The following CHRM2 variants were observed in gnomAD, a reference collection of about 807,000 sequenced individuals.
CHRM2 encodes muscarinic acetylcholine receptor M2.
Under a neutral mutation model 25.0 loss-of-function variants are expected in CHRM2, and 8 were observed. The ratio of observed to expected loss-of-function variants is 0.32; its 90% CI spans 0.19 to 0.58. The LOEUF is 0.58. CHRM2 is among the 20% of genes least tolerant of loss of function. CHRM2 has a pLI of 0.88. For synonymous variants in CHRM2, 202 were observed against 205.7 expected, an observed-to-expected ratio of 0.98 and a Z score of 0.15; for missense variants, 440 against 567.1, an observed-to-expected ratio of 0.78 and a Z score of 2.28.
At chr7:136,975,788 A>G (rs558785012) in intron 2 of CHRM2, among the ~76,000 whole-genome samples, 14 of 152,310 alleles carry the variant, frequency 9.2e-5, no homozygotes, top group African/African-American at 3.1e-4. Context: ...CCATTATAAA[A>G]CAGCCAACTG....
chr7:136,954,271 A>G (rs1473256788), intron 2 of CHRM2, among the ~76,000 whole-genome samples: 1 of 152,180 alleles, frequency 6.6e-6, no homozygotes, highest in Non-Finnish European at 1.5e-5. Context: ...CCATTATTTT[A>G]AAAAGTTGGT....
At chr7:136,893,652 T>C (rs1039958383) in intron 2 of CHRM2, among the ~76,000 whole-genome samples, 4 of 152,164 alleles carry the variant, frequency 2.6e-5, no homozygotes, top group African/African-American at 9.7e-5. Context: ...ACCTCTGCCG[T>C]CCTTCAGTCT....
At chr7:137,001,777 T>G (rs1213693661) in intron 3 of CHRM2, among the ~76,000 whole-genome samples, 6 of 152,206 alleles carry the variant, frequency 3.9e-5, no homozygotes, top group Non-Finnish European at 8.8e-5. Context: ...ATGACAAGGC[T>G]GTGTCTCATC....
chr7:136,990,345 A>G (rs1374064716), intron 2 of CHRM2, among the ~76,000 whole-genome samples: 1 of 152,114 alleles, frequency 6.6e-6, no homozygotes, highest in Admixed American at 6.6e-5. Context: ...TTTCACTGCC[A>G]TAAAAGTCCT....
intron 2 of CHRM2, among the ~76,000 whole-genome samples, chr7:136,981,166 C>G (rs1234160859): frequency 6.6e-6 from 1 of 152,088 alleles, no homozygotes; most frequent in Non-Finnish European, 1.5e-5. Context: ...CTGGTTTAGT[C>G]TTGGGAGGTT....
intron 2 of CHRM2, among the ~76,000 whole-genome samples, chr7:136,966,713 C>CT (rs5887819): frequency 0.26 from 37,853 of 145,702 alleles, 4,846 homozygotes; most frequent in East Asian, 0.33. Context: ...TATAACTTGC[C>CT]TTTTTTTTTT....
chr7:136,980,082 A>T (rs1457813531), intron 2 of CHRM2, among the ~76,000 whole-genome samples: 1 of 152,060 alleles, frequency 6.6e-6, no homozygotes, highest in Non-Finnish European at 1.5e-5. Flanking sequence ...CATGAGCATG[A>T]AATGTTTTTC....
At position 136,930,829 on chromosome 7, in the gene CHRM2, G is replaced by A. The variant is rs569479861; in HGVS notation, c.-124-61358G>A. Among the ~76,000 whole-genome samples the A allele has an allele frequency of 4.0e-5, 6 of 148,512 alleles. No individual in the cohort carries two copies. In the South Asian group the frequency reaches 6.4e-4, roughly 16 times the overall value. ...GGAGAATGGCGTGAACCTGGGAGGC[G>A]GAGTTTGCAGTGAGCCGAGACTGCG... On this transcript the variant is annotated intron_variant, in intron 2 of 3. Transcript: ENST00000680005.
At chr7:136,992,302 C>A (rs919047730) in intron 3 of CHRM2, 38 bp downstream of exon 3, 4 of 152,084 alleles carry the variant, frequency 2.6e-5, no homozygotes, top group African/African-American at 9.7e-5. Flanking sequence ...TAAATTAATA[C>A]ATTTATAGAC....
At chr7:137,007,449 G>T (rs1472155101) in intron 3 of CHRM2, among the ~76,000 whole-genome samples, 1 of 151,914 alleles carries the variant, frequency 6.6e-6, no homozygotes, top group Non-Finnish European at 1.5e-5. Context: ...TCTTAGCAGG[G>T]CCCCCACTAC....
At chr7:136,996,244 A>T (rs1239897755) in intron 3 of CHRM2, among the ~76,000 whole-genome samples, 1 of 152,052 alleles carries the variant, frequency 6.6e-6, no homozygotes, top group Non-Finnish European at 1.5e-5. Context: ...ACTTCTTGGG[A>T]TGGAGAAAGT....
At chr7:136,977,830 G>C (rs1034483646) in intron 2 of CHRM2, among the ~76,000 whole-genome samples, 1 of 152,084 alleles carries the variant, frequency 6.6e-6, no homozygotes, top group African/African-American at 2.4e-5. Context: ...GTCCAGAATG[G>C]TATTTCCTAG....
At chr7:136,883,398 A>C (rs1796340723) in intron 2 of CHRM2, among the ~76,000 whole-genome samples, 1 of 152,148 alleles carries the variant, frequency 6.6e-6, no homozygotes, top group Non-Finnish European at 1.5e-5. Context: ...TTAAAGATTT[A>C]GTGGGGTGTC....
At chr7:136,885,334 C>T (rs1451246717) in intron 2 of CHRM2, among the ~76,000 whole-genome samples, 1 of 152,176 alleles carries the variant, frequency 6.6e-6, no homozygotes, top group Non-Finnish European at 1.5e-5. Context: ...TCACATACTC[C>T]CTTCAACTCC....
At chr7:136,977,438 G>A (rs977086292) in intron 2 of CHRM2, among the ~76,000 whole-genome samples, 8 of 151,496 alleles carry the variant, frequency 5.3e-5, no homozygotes, top group East Asian at 3.9e-4. Flanking sequence ...AAGGTCTTAC[G>A]ATAGACAGTG....
At chr7:136,893,374 A>G (rs1437010930) in intron 2 of CHRM2, among the ~76,000 whole-genome samples, 1 of 152,216 alleles carries the variant, frequency 6.6e-6, no homozygotes, top group Non-Finnish European at 1.5e-5. Context: ...AGAACAGTCA[A>G]TGGCCTAAAT....
At chr7:136,917,090 T>C (rs1464452689) in intron 2 of CHRM2, among the ~76,000 whole-genome samples, 5 of 152,160 alleles carry the variant, frequency 3.3e-5, no homozygotes, top group African/African-American at 1.2e-4. Flanking sequence ...AAGCGTGTTA[T>C]GAATTTAAAA....
chr7:136,939,254 TTA>T (rs1799623258), intron 2 of CHRM2, among the ~76,000 whole-genome samples: 1 of 152,226 alleles, frequency 6.6e-6, no homozygotes, highest in Admixed American at 6.5e-5. Flanking sequence ...AATTACTATT[TTA>T]TGTCTCCTTT....
rs1039161936 is a variant in CHRM2, at chr7:136,902,171, G to A, written c.-125+32753G>A. The A allele has an allele frequency of 9.2e-5, 14 of 151,786 alleles. 1 individual carries two copies. Among genetic ancestry groups the A allele is most frequent in the African/African-American group, 3.4e-4 (14 of 41,332 alleles). The allele number at this position is 151,786 out of a possible 1,614,324, so 9.4% of individuals were successfully genotyped here. A position where few individuals can be genotyped will look rare whatever the true frequency, so the allele number is the denominator to read the frequency against. ...TGTTAACTACTAACATTGATTCTGT[G>A]ATCTTCCTTTTAAACTCATCTATCT... is the stretch of plus-strand genomic sequence containing the variant. On this transcript the variant is annotated intron_variant, in intron 2 of 3. Coordinates refer to ENST00000680005, the MANE Select transcript of CHRM2 (RefSeq NM_001006630.2).
Sources: allele counts gnomAD v4.1 joint callset (sites outside exome capture counted in the v4.1 genomes callset), GRCh38; gene constraint gnomAD v4.1.1; transcripts MANE v1.5; gene names NCBI Gene and HGNC (gene_info 2026-07-23, HGNC 2026-07-21).